Variants in PCDHGA1 observed in about 807,000 individuals in gnomAD.
PCDHGA1 encodes the protein protocadherin gamma-A1.
PCDHGA1 carries 32 observed loss-of-function variants against 58.0 expected under a neutral mutation model. The ratio of observed to expected loss-of-function variants is 0.55; its 90% CI spans 0.42 to 0.74. The LOEUF (loss-of-function observed/expected upper bound fraction) is 0.74. PCDHGA1 is among the 30% of genes least tolerant of loss of function. The pLI, the probability that PCDHGA1 is intolerant of heterozygous loss-of-function variation, is 0.00. For missense variants in PCDHGA1, 1,205 were observed against 1,182.3 expected, an observed-to-expected ratio of 1.02 and a Z score of -0.28; for synonymous variants, 498 against 501.1, an observed-to-expected ratio of 0.99 and a Z score of 0.08.
chr5:141,457,429 C>G (rs73280316), intron 1 of PCDHGA1, among the ~76,000 whole-genome samples: 1,780 of 152,292 alleles, frequency 0.012, 30 homozygotes, highest in African/African-American at 0.04. Context: ...TTTTCCCCCC[C>G]ACCAAGCTGC....
intron 1 of PCDHGA1, chr5:141,441,743 C>T (rs1298220876): frequency 1.4e-5 from 5 of 367,166 alleles, no homozygotes; most frequent in Non-Finnish European, 2.2e-5. Context: ...AGCTCGCGCT[C>T]GGCGTCAACG....
intron 1 of PCDHGA1, chr5:141,408,319 G>T: frequency 6.2e-7 from 1 of 1,613,896 alleles, no homozygotes; most frequent in Non-Finnish European, 8.5e-7. Context: ...CGATTCCGGA[G>T]GAGCTGGCCA....
chr5:141,447,301 G>A (rs557269538), intron 1 of PCDHGA1, among the ~76,000 whole-genome samples: 39 of 152,060 alleles, frequency 2.6e-4, no homozygotes, highest in Non-Finnish European at 1.5e-4. Flanking sequence ...CACCACACCC[G>A]GCTAATTTTT....
chr5:141,382,470 A>G (rs918118556), intron 1 of PCDHGA1, among the ~76,000 whole-genome samples: 1 of 152,234 alleles, frequency 6.6e-6, no homozygotes, highest in African/African-American at 2.4e-5. Flanking sequence ...TTTAAAAATT[A>G]TCTAAGATTA....
rs754652710 is a variant in PCDHGA1 at position 141,476,367 on chromosome 5, G to A, written c.2422-18440G>A. Reference sequence around the variant, plus strand: ...TTCTTTGAGGTGAACCGGGAGACCGGAGAGATGTTTGTGAACGACCGTCTG... The same window carrying A: ...TTCTTTGAGGTGAACCGGGAGACCGAAGAGATGTTTGTGAACGACCGTCTG... On this transcript the variant is annotated intron_variant, in intron 1 of 3. Coordinates refer to ENST00000517417, the MANE Select transcript of PCDHGA1 (RefSeq NM_018912.3). The surrounding 1 kb of genome is among the most constrained non-coding windows in gnomAD (Gnocchi z 7.6). The A allele has an allele frequency of 2.5e-6, 4 of 1,614,172 alleles. No homozygotes were observed. In the South Asian group the frequency reaches 3.3e-5, roughly 13 times the overall value.
At chr5:141,362,406 C>T in intron 1 of PCDHGA1, 1 of 1,614,032 alleles carries the variant, frequency 6.2e-7, no homozygotes, top group South Asian at 1.1e-5. Context: ...TGTGTGTTGC[C>T]TCACAATCAG....
chr5:141,427,982 G>T, intron 1 of PCDHGA1: 1 of 1,596,752 alleles, frequency 6.3e-7, no homozygotes, highest in African/African-American at 1.3e-5. Flanking sequence ...CCGCGCTGGG[G>T]CCCGATGGCT....
intron 1 of PCDHGA1, chr5:141,372,709 C>A (rs751651788): frequency 6.2e-7 from 1 of 1,613,966 alleles, no homozygotes; most frequent in South Asian, 1.1e-5. Flanking sequence ...AATATAAAGG[C>A]TGAAAATGCT....
At chr5:141,352,112 C>T in intron 1 of PCDHGA1, 10 of 1,607,436 alleles carry the variant, frequency 6.2e-6, no homozygotes, top group Non-Finnish European at 8.5e-6. Flanking sequence ...CCTGGGGTTG[C>T]GCACGGGTGA....
chr5:141,339,971 A>G, intron 1 of PCDHGA1: 1 of 1,614,200 alleles, frequency 6.2e-7, no homozygotes, highest in Non-Finnish European at 8.5e-7. Context: ...AGCGAAGGTT[A>G]TCGTCACGGT....
At chr5:141,363,976 A>G (rs1416527088) in intron 1 of PCDHGA1, among the ~76,000 whole-genome samples, 1 of 152,278 alleles carries the variant, frequency 6.6e-6, no homozygotes, top group Non-Finnish European at 1.5e-5. Context: ...CTTGCTATTC[A>G]GAATTAAAGC....
At chr5:141,504,666 G>T (rs2099839952) in intron 2 of PCDHGA1, among the ~76,000 whole-genome samples, 1 of 107,242 alleles carries the variant, frequency 9.3e-6, no homozygotes, top group South Asian at 3.6e-4. Context: ...AGGGCGGGGG[G>T]TGGGGGTTCT....
At chr5:141,404,296 T>C in intron 1 of PCDHGA1, 1 of 1,613,946 alleles carries the variant, frequency 6.2e-7, no homozygotes, top group Non-Finnish European at 8.5e-7. Flanking sequence ...TCAATGATAA[T>C]CCACCTGCTT....
At chr5:141,450,292 C>T (rs1310226132) in intron 1 of PCDHGA1, among the ~76,000 whole-genome samples, 2 of 152,066 alleles carry the variant, frequency 1.3e-5, no homozygotes, top group African/African-American at 2.4e-5. Context: ...GGATTACAGG[C>T]GTGAGCCACC....
rs771088007 is a variant in PCDHGA1, at chr5:141,423,000, G to A, written c.2422-71807G>A. On this transcript the variant is annotated intron_variant, in intron 1 of 3. Transcript: ENST00000517417. ...CGGAACCTGGCTACCTGGTGACCAA[G>A]GTGGTTGCGGTGGACAAAGATTCAG... The A allele has an allele frequency of 9.3e-6, 15 of 1,614,116 alleles. No homozygotes were observed. The African/African-American group carries it at 1.9e-4, about 20-fold the overall frequency.
chr5:141,429,592 T>C (rs2097226711), intron 1 of PCDHGA1, among the ~76,000 whole-genome samples: 1 of 152,234 alleles, frequency 6.6e-6, no homozygotes, highest in Non-Finnish European at 1.5e-5. Flanking sequence ...ATTCTTGTAA[T>C]TCAAGTAAAC....
chr5:141,404,942 A>G, intron 1 of PCDHGA1: 2 of 1,613,982 alleles, frequency 1.2e-6, no homozygotes, highest in South Asian at 1.1e-5. Context: ...CACAGTAGCC[A>G]TAGCTGACAG....
intron 1 of PCDHGA1, among the ~76,000 whole-genome samples, chr5:141,438,674 A>C (rs894070572): frequency 1.9e-4 from 25 of 134,850 alleles, no homozygotes; most frequent in Non-Finnish European, 3.1e-4. Context: ...ATATATTTGG[A>C]GTAGGGGATG....
intron 1 of PCDHGA1, among the ~76,000 whole-genome samples, chr5:141,473,126 A>C (rs2154571574): frequency 6.6e-6 from 1 of 152,356 alleles, no homozygotes; most frequent in South Asian, 2.1e-4. Flanking sequence ...GCTCTTTGGC[A>C]AACTATATTA....
Sources: gnomAD v4.1 joint callset for allele counts (sites outside exome capture counted in the v4.1 genomes callset) on GRCh38, gnomAD v4.1.1 for gene constraint, Gnocchi (gnomAD v3.1) non-coding constraint, MANE v1.5 for transcripts, NCBI Gene and HGNC (gene_info 2026-07-23, HGNC 2026-07-21) for gene names.